Variants in FAM174A observed in about 807,000 individuals in gnomAD.
The protein encoded by FAM174A is family with sequence similarity 174 member A.
A neutral mutation model predicts 14.3 loss-of-function variants in FAM174A; 14 were observed. That is an observed-to-expected ratio of 0.98 (90% CI 0.65 to 1.53). The LOEUF is 1.53. Among genes scored for constraint, FAM174A ranks in the 40% most tolerant of loss-of-function variants. FAM174A has a pLI of 0.00. For synonymous variants in FAM174A, 108 were observed against 111.4 expected, an observed-to-expected ratio of 0.97 and a Z score of 0.19; for missense variants, 241 against 249.6, an observed-to-expected ratio of 0.97 and a Z score of 0.23.
chr5:100,546,747 A>G (rs1746172075), intron 1 of FAM174A, among the ~76,000 whole-genome samples: 2 of 152,162 alleles, frequency 1.3e-5, no homozygotes, highest in South Asian at 4.1e-4. Context: ...CCCATTGCAA[A>G]ACTATCCCAA....
chr5:100,581,330 T>G (rs1421314939), intron 2 of FAM174A: 2 of 975,942 alleles, frequency 2.0e-6, no homozygotes, highest in Non-Finnish European at 2.4e-6. Flanking sequence ...ACCATATTGA[T>G]TCTCCACTTT....
intron 2 of FAM174A, among the ~76,000 whole-genome samples, chr5:100,579,994 ATTCTC>A (rs1402981162): frequency 2.6e-5 from 4 of 152,322 alleles, no homozygotes; most frequent in East Asian, 1.9e-4. Context: ...ATAGTTTACT[ATTCTC>A]TTTTATGTAT....
At chr5:100,581,491 G>A (rs1747015724) in intron 2 of FAM174A, 1 of 610,270 alleles carries the variant, frequency 1.6e-6, no homozygotes, top group Middle Eastern at 8.2e-4. Flanking sequence ...GGTGGCTCAT[G>A]CCTGTGATCC....
chr5:100,557,873 C>A (rs1050894863), intron 1 of FAM174A, among the ~76,000 whole-genome samples: 1 of 151,954 alleles, frequency 6.6e-6, no homozygotes, highest in East Asian at 1.9e-4. Context: ...TTTTGTTGAT[C>A]TTTTCAAAAA....
chr5:100,540,166 T>C (rs1746020455), intron 1 of FAM174A, among the ~76,000 whole-genome samples: 1 of 152,218 alleles, frequency 6.6e-6, no homozygotes, highest in African/African-American at 2.4e-5. Context: ...GAATATGAGT[T>C]GTTTTCTTTT....
chr5:100,570,990 T>C (rs1385495670), intron 2 of FAM174A, among the ~76,000 whole-genome samples: 3 of 151,928 alleles, frequency 2.0e-5, no homozygotes, highest in East Asian at 1.9e-4. Flanking sequence ...ATTTCATTAA[T>C]TGATTCTTGA....
chr5:100,556,819 C>T (rs1746395960), intron 1 of FAM174A, among the ~76,000 whole-genome samples: 1 of 152,048 alleles, frequency 6.6e-6, no homozygotes. Context: ...CTGAAGTTGC[C>T]TATCAGCTTA....
At chr5:100,577,070 C>G (rs998225445) in intron 2 of FAM174A, among the ~76,000 whole-genome samples, 2 of 152,074 alleles carry the variant, frequency 1.3e-5, no homozygotes, top group South Asian at 2.1e-4. Context: ...CAAATGGAAA[C>G]AATACCTTCT....
chr5:100,547,941 A>G (rs756659883), intron 1 of FAM174A, among the ~76,000 whole-genome samples: 25 of 152,080 alleles, frequency 1.6e-4, no homozygotes, highest in African/African-American at 5.3e-4. Context: ...TTGCCTTTCT[A>G]TAGGATGGCT....
At chr5:100,575,838 G>GA (rs1346526113) in intron 2 of FAM174A, among the ~76,000 whole-genome samples, 4 of 152,032 alleles carry the variant, frequency 2.6e-5, no homozygotes, top group African/African-American at 9.7e-5. Context: ...AAATTTACAA[G>GA]AAAAAACCAA....
chr5:100,542,048 A>G (rs1207781125), intron 1 of FAM174A, among the ~76,000 whole-genome samples: 1 of 152,178 alleles, frequency 6.6e-6, no homozygotes, highest in Admixed American at 6.5e-5. Flanking sequence ...CTAAAGGCCC[A>G]ATCTGATTCC....
At chr5:100,569,264 A>C (rs1746726005) in intron 2 of FAM174A, among the ~76,000 whole-genome samples, 2 of 151,852 alleles carry the variant, frequency 1.3e-5, no homozygotes, top group South Asian at 2.1e-4. Flanking sequence ...TCTATAAGTC[A>C]TGCCATATAT....
chr5:100,583,471 C>T (rs1329340091), intron 2 of FAM174A, among the ~76,000 whole-genome samples: 1 of 152,190 alleles, frequency 6.6e-6, no homozygotes, highest in Non-Finnish European at 1.5e-5. Context: ...TTGACTACTG[C>T]CAATTTGTTT....
chr5:100,574,667 T>G (rs1438427832), intron 2 of FAM174A, among the ~76,000 whole-genome samples: 2 of 152,264 alleles, frequency 1.3e-5, no homozygotes, highest in East Asian at 3.9e-4. Flanking sequence ...TCACCCAAAT[T>G]TGACTCTTAT....
intron 1 of FAM174A, among the ~76,000 whole-genome samples, chr5:100,541,630 A>G (rs139428575): frequency 6.6e-6 from 1 of 152,064 alleles, no homozygotes; most frequent in Non-Finnish European, 1.5e-5. Context: ...ATGGGAAAGG[A>G]AGATACCTAA....
chr5:100,576,137 T>A (rs921523392), intron 2 of FAM174A, among the ~76,000 whole-genome samples: 4 of 152,178 alleles, frequency 2.6e-5, no homozygotes, highest in Non-Finnish European at 4.4e-5. Context: ...CTATTAACAA[T>A]GATTGTTATT....
chr5:100,538,755 A>G (rs1580361185), intron 1 of FAM174A, among the ~76,000 whole-genome samples: 1 of 152,174 alleles, frequency 6.6e-6, no homozygotes, highest in Middle Eastern at 3.4e-3. Context: ...TGGAAATTTA[A>G]GGATAATTGC....
intron 2 of FAM174A, among the ~76,000 whole-genome samples, chr5:100,585,390 A>T (rs1039824096): frequency 1.3e-5 from 2 of 152,136 alleles, no homozygotes; most frequent in Non-Finnish European, 2.9e-5. Flanking sequence ...CATTCATGGC[A>T]TACTTTTTTC....
chr5:100,564,169 G>A (rs1229360286), intron 2 of FAM174A, among the ~76,000 whole-genome samples: 1 of 151,818 alleles, frequency 6.6e-6, no homozygotes, highest in Non-Finnish European at 1.5e-5. Context: ...TGCTTGTATA[G>A]TCTGCAGAAC....
Sources: gnomAD v4.1 joint callset for allele counts (sites outside exome capture counted in the v4.1 genomes callset) on GRCh38, gnomAD v4.1.1 for gene constraint, MANE v1.5 for transcripts, NCBI Gene and HGNC (gene_info 2026-07-23, HGNC 2026-07-21) for gene names.